KPNA3: variants seen among roughly 807,000 people sequenced by gnomAD.
The protein encoded by KPNA3 is karyopherin subunit alpha 3.
Under a neutral mutation model 73.8 loss-of-function variants are expected in KPNA3, and 13 were observed. The ratio of observed to expected loss-of-function variants is 0.18; its 90% CI spans 0.11 to 0.28. The LOEUF (loss-of-function observed/expected upper bound fraction) is 0.28. Among genes scored for constraint, KPNA3 ranks in the 10% least tolerant of loss-of-function variants. The probability of loss-of-function intolerance (pLI) is 1.00; values close to 1 mark genes in which losing one functional copy is unlikely to be tolerated. For synonymous variants in KPNA3, 186 were observed against 206.9 expected (o/e 0.90, Z 0.87); for missense variants, 360 against 618.1 (o/e 0.58, Z 4.43).
Position 49,735,162 on chromosome 13 carries a change from G to A in KPNA3, c.115-2116C>T, listed in dbSNP as rs1336413862. ...TTTAGATGGAGTTTTTGCTCTTGTTGCCCAGGCTGCAGTGCAATGGTGCGA... is the reference window on the plus strand; with the variant it reads ...TTTAGATGGAGTTTTTGCTCTTGTTACCCAGGCTGCAGTGCAATGGTGCGA... On this transcript the variant is annotated intron_variant, in intron 2 of 16. Transcript: ENST00000261667. Among the ~76,000 whole-genome samples the A allele has an allele frequency of 3.9e-5, 6 of 152,062 alleles. No homozygotes were observed. In the East Asian group the frequency reaches 1.2e-3, roughly 29 times the overall value.
At position 49,792,530 on chromosome 13, in the gene KPNA3, G is replaced by A. The variant is rs780711095; in HGVS notation, c.-24C>T. On this transcript the variant is annotated 5_prime_UTR_variant, in exon 1 of 17. Coordinates refer to ENST00000261667, the MANE Select transcript of KPNA3 (RefSeq NM_002267.4). ...ATGGCTGCGCGCGGCTCCGGCGGCG[G>A]CTACTCCTGCGGCTGCGGCGGCGGC... 1.3e-6 allele frequency: 2 copies of A among 1,527,126 alleles called. No individual in the cohort carries two copies. Among genetic ancestry groups the A allele is most frequent in the East Asian group, 5.6e-5 (2 of 35,460 alleles). 94.6% of individuals were successfully genotyped at this position (1,527,126 alleles called of 1,614,324 possible).
At chr13:49,733,969 C>T (rs1954496095) in intron 2 of KPNA3, among the ~76,000 whole-genome samples, 1 of 152,180 alleles carries the variant, frequency 6.6e-6, no homozygotes, top group South Asian at 2.1e-4. Context: ...CCCACTCTGC[C>T]AACCCACAAA....
At chr13:49,726,180 C>A (rs1160571211) in intron 6 of KPNA3, among the ~76,000 whole-genome samples, 1 of 152,208 alleles carries the variant, frequency 6.6e-6, no homozygotes, top group Non-Finnish European at 1.5e-5. Context: ...CTCACTTTAA[C>A]CACTATCACA....
chr13:49,725,241 A>G (rs576269649), intron 7 of KPNA3, among the ~76,000 whole-genome samples, 175 bp downstream of exon 7: 2 of 152,372 alleles, frequency 1.3e-5, no homozygotes, highest in Admixed American at 1.3e-4. Flanking sequence ...AACCACAATT[A>G]AAAATTTTTC....
intron 1 of KPNA3, among the ~76,000 whole-genome samples, chr13:49,761,386 A>G: frequency 2.0e-5 from 3 of 151,668 alleles, no homozygotes; most frequent in East Asian, 1.9e-4. Flanking sequence ...TTGCAGGCGC[A>G]CACCGCCACG....
intron 1 of KPNA3, among the ~76,000 whole-genome samples, chr13:49,774,503 C>CCT (rs1410786494): frequency 6.6e-6 from 1 of 152,184 alleles, no homozygotes; most frequent in African/African-American, 2.4e-5. Context: ...CTCTGGACCT[C>CCT]CTCTCAAGGC....
intron 2 of KPNA3, among the ~76,000 whole-genome samples, chr13:49,735,453 G>C (rs1009533380): frequency 5.9e-5 from 9 of 152,118 alleles, no homozygotes; most frequent in Non-Finnish European, 8.8e-5. Context: ...ATATGTACAA[G>C]CCAAGGAAAA....
At chr13:49,787,618 C>A (rs191417487) in intron 1 of KPNA3, among the ~76,000 whole-genome samples, 1 of 151,918 alleles carries the variant, frequency 6.6e-6, no homozygotes, top group Non-Finnish European at 1.5e-5. Context: ...GTGATTCTCT[C>A]GCCTCAGCCT....
intron 1 of KPNA3, among the ~76,000 whole-genome samples, chr13:49,784,201 G>GT (rs1954963612): frequency 1.3e-5 from 2 of 151,980 alleles, no homozygotes; most frequent in Admixed American, 6.6e-5. Flanking sequence ...TCCAGCCCAG[G>GT]TAACAGCAAG....
intron 2 of KPNA3, among the ~76,000 whole-genome samples, chr13:49,733,289 T>TG (rs1210061140): frequency 6.9e-6 from 1 of 144,700 alleles, no homozygotes; most frequent in Non-Finnish European, 1.5e-5. Flanking sequence ...GGTGTTTTTT[T>TG]TTTTTTTTTT....
rs1291730012 is a variant in KPNA3, at chr13:49,701,496, T to C, written c.*304A>G. 4.0e-6 allele frequency: 2 copies of C among 500,476 alleles called. No individual in the cohort carries two copies. The highest frequency in any genetic ancestry group is 3.9e-5 in the African/African-American group (2 of 51,358). 31.0% of individuals were successfully genotyped at this position (500,476 alleles called of 1,614,324 possible). ...GCTGACATGTCACCACTATGGAATATTTATTCTAAACTGGAGACTGCAGTT... is the reference window on the plus strand; with the variant it reads ...GCTGACATGTCACCACTATGGAATACTTATTCTAAACTGGAGACTGCAGTT... On this transcript the variant is annotated 3_prime_UTR_variant, in exon 17 of 17. Coordinates refer to ENST00000261667, the MANE Select transcript of KPNA3 (RefSeq NM_002267.4).
chr13:49,722,508 T>C lies in KPNA3; in HGVS notation c.525A>G (p.Glu175=), dbSNP rs1051908805. 1.9e-6 allele frequency: 3 copies of C among 1,612,080 alleles called. No individual in the cohort carries two copies. In the African/African-American group the frequency reaches 4.0e-5, roughly 22 times the overall value. Residue 175 remains glutamate (E), a synonymous_variant, in exon 8 of 17, where the codon GAA becomes GAG. Transcript: ENST00000261667. ...LLRSPHQNVC[E]QAVWALGNII... is the part of the protein sequence containing the mutation. Reference sequence around the variant, plus strand: ...TGTTTCCCAAAGCCCATACTGCTTGTTCACAAACATTCTGATGTGGTGAAC... The same window carrying C: ...TGTTTCCCAAAGCCCATACTGCTTGCTCACAAACATTCTGATGTGGTGAAC...
At position 49,701,278 on chromosome 13, in the gene KPNA3, C is replaced by T; in HGVS notation, c.*522G>A. On this transcript the variant is annotated 3_prime_UTR_variant, in exon 17 of 17. Coordinates refer to ENST00000261667, the MANE Select transcript of KPNA3 (RefSeq NM_002267.4). ...TAAGTTACTTTTTTTGTGTCAGTTC[C>T]ACCAATGAAAATCATTTGGCTTGTA... 1 of 162,782 alleles carries T rather than the reference C, an allele frequency of 6.1e-6. No homozygotes were observed. Among genetic ancestry groups the T allele is most frequent in the Non-Finnish European group, 1.4e-5 (1 of 73,044 alleles). The allele number at this position is 162,782 out of a possible 1,614,324, so 10.1% of individuals were successfully genotyped here.
chr13:49,711,057 A>G (rs1404513157), intron 10 of KPNA3, 35 bp from the exon 11 acceptor site: 2 of 1,576,420 alleles, frequency 1.3e-6, no homozygotes, highest in African/African-American at 2.7e-5. Context: ...CATTTTACAT[A>G]TTTGTTTGAA....
Position 49,732,432 on chromosome 13 carries a change from C to T in KPNA3, c.322G>A (p.Asp108Asn), listed in dbSNP as rs1954478703. The T allele has an allele frequency of 6.3e-7, 1 of 1,598,514 alleles. No homozygotes were observed. The highest frequency in any genetic ancestry group is 8.5e-7 in the Non-Finnish European group (1 of 1,169,988). ...AAAATCCCAGATTTTATTAAGTCAT[C>T]AATCGGTGGATTTCTGTCACTGGAT... Reference protein sequence around the residue: ...LLSSDRNPPIDDLIKSGILPI... With the variant: ...LLSSDRNPPINDLIKSGILPI... The change falls in exon 6 of 17, where the codon GAT becomes AAT. Residue 108 changes from aspartate to asparagine, a missense_variant. By Grantham distance (23) the Asp-to-Asn change is conservative. Coordinates refer to ENST00000261667, the MANE Select transcript of KPNA3 (RefSeq NM_002267.4).
At chr13:49,715,776 C>G (rs1182562540) in intron 10 of KPNA3, among the ~76,000 whole-genome samples, 1 of 152,188 alleles carries the variant, frequency 6.6e-6, no homozygotes, top group Non-Finnish European at 1.5e-5. Context: ...TTTGACCCAG[C>G]AATCCTGCTT....
intron 6 of KPNA3, among the ~76,000 whole-genome samples, chr13:49,731,092 T>C (rs1245686780): frequency 6.6e-6 from 1 of 151,178 alleles, no homozygotes; most frequent in Non-Finnish European, 1.5e-5. Flanking sequence ...ATTTATTTTT[T>C]GAGTCAGGGT....
intron 1 of KPNA3, among the ~76,000 whole-genome samples, chr13:49,790,020 C>T (rs1373662435): frequency 6.6e-6 from 1 of 152,220 alleles, no homozygotes; most frequent in African/African-American, 2.4e-5. Context: ...ATCACCCCCA[C>T]TGGACTGTAA....
chr13:49,725,461 T>C lies in KPNA3; in HGVS notation c.424A>G (p.Ile142Val), dbSNP rs878936287. The C allele has an allele frequency of 1.9e-6, 3 of 1,613,714 alleles. No homozygotes were observed. The highest frequency in any genetic ancestry group is 2.2e-5 in the East Asian group (1 of 44,858). ...GTCTGTGCAGAAGTTCCTGATGCTATGTTAGTTAATGCCCAAGCAGCTTCA... is the reference window on the plus strand; with the variant it reads ...GTCTGTGCAGAAGTTCCTGATGCTACGTTAGTTAATGCCCAAGCAGCTTCA... ...QFEAAWALTN[I>V]ASGTSAQTQA... The change falls in exon 7 of 17, where the codon ATA becomes GTA. Residue 142 changes from isoleucine (I) to valine (V), a missense_variant. By Grantham distance (29) the Ile-to-Val change is conservative (BLOSUM62 3). Transcript: ENST00000261667.
Sources: gnomAD v4.1 joint callset for allele counts (sites outside exome capture counted in the v4.1 genomes callset) on GRCh38, gnomAD v4.1.1 for gene constraint, MANE v1.5 for transcripts, NCBI Gene and HGNC (gene_info 2026-07-23, HGNC 2026-07-21) for gene names.